The following THSD7A variants were observed in gnomAD, a reference collection of about 807,000 sequenced individuals.
The protein encoded by THSD7A is thrombospondin type-1 domain-containing protein 7A.
THSD7A carries 96 observed loss-of-function variants against 231.3 expected under a neutral mutation model. The observed-to-expected ratio is 0.41, with a 90% confidence interval of 0.35 to 0.49. The LOEUF (loss-of-function observed/expected upper bound fraction) is 0.49, where lower values mean the gene tolerates loss of function less well. THSD7A is among the 20% of genes least tolerant of loss of function. The pLI is 0.05. For missense variants in THSD7A, 2,290 were observed against 2,070.2 expected, an observed-to-expected ratio of 1.11 and a Z score of -2.06; for synonymous variants, 940 against 743.3, an observed-to-expected ratio of 1.26 and a Z score of -4.30.
intron 1 of THSD7A, among the ~76,000 whole-genome samples, chr7:11,769,941 T>C (rs1245258701): frequency 6.6e-6 from 1 of 152,104 alleles, no homozygotes; most frequent in Non-Finnish European, 1.5e-5. Context: ...ATAATTTATA[T>C]TATTCTAATC....
chr7:11,749,344 C>A (rs764994648), intron 1 of THSD7A, among the ~76,000 whole-genome samples: 3 of 151,958 alleles, frequency 2.0e-5, no homozygotes, highest in Non-Finnish European at 4.4e-5. Flanking sequence ...GCACCCCCCA[C>A]ATATCTCCCC....
intron 10 of THSD7A, among the ~76,000 whole-genome samples, chr7:11,461,582 G>T (rs1239484542): frequency 6.6e-6 from 1 of 152,172 alleles, no homozygotes. Context: ...TTGAGATACA[G>T]ATGTCATTTC....
At chr7:11,786,192 C>A (rs1255019405) in intron 1 of THSD7A, among the ~76,000 whole-genome samples, 1 of 151,182 alleles carries the variant, frequency 6.6e-6, no homozygotes, top group African/African-American at 2.5e-5. Flanking sequence ...GTGGCAGACA[C>A]TGGACCTACT....
intron 1 of THSD7A, among the ~76,000 whole-genome samples, chr7:11,693,722 C>A (rs1403100498): frequency 1.3e-5 from 2 of 151,578 alleles, no homozygotes; most frequent in East Asian, 3.9e-4. Flanking sequence ...ATCATAGTGT[C>A]ACTGCTGGAA....
chr7:11,550,642 G>T (rs141952616), intron 4 of THSD7A, among the ~76,000 whole-genome samples: 10 of 152,058 alleles, frequency 6.6e-5, no homozygotes, highest in Non-Finnish European at 1.3e-4. Flanking sequence ...CCTTCCCAGC[G>T]ATGTGGAACT....
chr7:11,434,519 A>C (rs1404222875), intron 13 of THSD7A, among the ~76,000 whole-genome samples: 3 of 152,120 alleles, frequency 2.0e-5, no homozygotes, highest in African/African-American at 7.2e-5. Context: ...TGCTGAAAGG[A>C]ATACTGTTGA....
intron 6 of THSD7A, among the ~76,000 whole-genome samples, chr7:11,513,194 A>C (rs1787891355): frequency 6.6e-6 from 1 of 151,608 alleles, no homozygotes; most frequent in Non-Finnish European, 1.5e-5. Flanking sequence ...AAAAGACAAC[A>C]AATGTGGTGC....
At chr7:11,817,996 C>T (rs1390403472) in intron 1 of THSD7A, among the ~76,000 whole-genome samples, 1 of 152,154 alleles carries the variant, frequency 6.6e-6, no homozygotes, top group Non-Finnish European at 1.5e-5. Flanking sequence ...ATCTGGAAAT[C>T]CCTGAATACA....
intron 1 of THSD7A, among the ~76,000 whole-genome samples, chr7:11,810,400 C>G (rs1784500287): frequency 6.6e-6 from 1 of 152,096 alleles, no homozygotes; most frequent in African/African-American, 2.4e-5. Context: ...GCTGGTCACT[C>G]CCCTTCACTG....
chr7:11,602,118 T>C (rs1194379306), intron 2 of THSD7A, among the ~76,000 whole-genome samples: 1 of 152,188 alleles, frequency 6.6e-6, no homozygotes, highest in Non-Finnish European at 1.5e-5. Context: ...GCAAATGTGC[T>C]GCTTGCCCAA....
At chr7:11,533,148 G>C (rs953623254) in intron 6 of THSD7A, among the ~76,000 whole-genome samples, 2 of 152,168 alleles carry the variant, frequency 1.3e-5, no homozygotes, top group African/African-American at 2.4e-5. Context: ...CGTTTTAAGG[G>C]TGTTGCATTG....
intron 6 of THSD7A, among the ~76,000 whole-genome samples, chr7:11,509,950 G>T (rs1482911478): frequency 6.6e-6 from 1 of 151,788 alleles, no homozygotes; most frequent in African/African-American, 2.4e-5. Flanking sequence ...GGAGGTAATG[G>T]CTATGCTAAT....
chr7:11,485,051 C>A (rs6949200), intron 6 of THSD7A, among the ~76,000 whole-genome samples: 22,897 of 151,174 alleles, frequency 0.15, 1,762 homozygotes, highest in South Asian at 0.17. Flanking sequence ...CCACCATGCC[C>A]GGCTCATTTT....
intron 1 of THSD7A, among the ~76,000 whole-genome samples, chr7:11,687,361 G>A (rs1780090452): frequency 6.6e-6 from 1 of 151,896 alleles, no homozygotes; most frequent in Non-Finnish European, 1.5e-5. Flanking sequence ...CTATGATAGA[G>A]ATACTGGTTT....
chr7:11,726,068 C>A (rs897059318), intron 1 of THSD7A, among the ~76,000 whole-genome samples: 5 of 151,856 alleles, frequency 3.3e-5, no homozygotes, highest in Non-Finnish European at 7.4e-5. Flanking sequence ...AAATAATTTA[C>A]TTTTGCTTTA....
At position 11,803,682 on chromosome 7, in the gene THSD7A, A is replaced by G. The variant is rs147486787; in HGVS notation, c.190+28075T>C. Among the ~76,000 whole-genome samples, 1,238 of 152,316 alleles carry G rather than the reference A, an allele frequency of 8.1e-3. 10 individuals carry two copies. The highest frequency in any genetic ancestry group is 0.028 in the African/African-American group (1,173 of 41,582). ...ATAAGAATCCCTGTTAACATAAACT[A>G]TGGTAACAGCGGAATCTTTAATTCT... On this transcript the variant is annotated intron_variant, in intron 1 of 27. Transcript: ENST00000423059.
intron 1 of THSD7A, among the ~76,000 whole-genome samples, chr7:11,642,788 A>G (rs1040475669): frequency 1.3e-5 from 2 of 152,144 alleles, no homozygotes; most frequent in African/African-American, 4.8e-5. Context: ...TTGATAAAAT[A>G]ATGAATTTAT....
intron 1 of THSD7A, among the ~76,000 whole-genome samples, chr7:11,818,222 A>G (rs1287206587): frequency 6.6e-6 from 1 of 152,220 alleles, no homozygotes; most frequent in Non-Finnish European, 1.5e-5. Context: ...AACATTTTCT[A>G]CAGACTACAC....
chr7:11,765,853 TA>T (rs1484517977), intron 1 of THSD7A, among the ~76,000 whole-genome samples: 1 of 152,128 alleles, frequency 6.6e-6, no homozygotes, highest in Non-Finnish European at 1.5e-5. Flanking sequence ...TCCTTAAAAA[TA>T]GGTCAGAACC....
Sources: allele counts gnomAD v4.1 joint callset (sites outside exome capture counted in the v4.1 genomes callset), GRCh38; gene constraint gnomAD v4.1.1; transcripts MANE v1.5; gene names NCBI Gene and HGNC (gene_info 2026-07-23, HGNC 2026-07-21).